ANKS1B: variants seen among roughly 807,000 people sequenced by gnomAD.
The protein encoded by ANKS1B is ankyrin repeat and sterile alpha motif domain containing 1B, also known as ankyrin repeat and sterile alpha motif domain-containing protein 1B.
In ANKS1B, 36 loss-of-function variants were observed where a neutral mutation model predicts 148.3. The ratio of observed to expected loss-of-function variants is 0.24; its 90% CI spans 0.19 to 0.32. The LOEUF (loss-of-function observed/expected upper bound fraction) is 0.32. Among genes scored for constraint, ANKS1B ranks in the 10% least tolerant of loss-of-function variants. ANKS1B has a pLI of 1.00. For synonymous variants in ANKS1B, 542 were observed against 560.8 expected (o/e 0.97, Z 0.47); for missense variants, 1,157 against 1,542.6 (o/e 0.75, Z 4.19).
At chr12:99,923,565 T>C (rs1447911220) in intron 1 of ANKS1B, among the ~76,000 whole-genome samples, 1 of 152,036 alleles carries the variant, frequency 6.6e-6, no homozygotes, top group African/African-American at 2.4e-5. Context: ...GTAAAAGGGA[T>C]AAGGAAATAG....
chr12:99,087,932 C>CT (rs34798297), intron 15 of ANKS1B, among the ~76,000 whole-genome samples: 99,983 of 152,008 alleles, frequency 0.66, 33,143 homozygotes, highest in East Asian at 0.89. Context: ...TTTTCTGTAT[C>CT]TCAGTAAGAG....
At chr12:99,886,321 G>A (rs2092819141) in intron 1 of ANKS1B, among the ~76,000 whole-genome samples, 1 of 152,286 alleles carries the variant, frequency 6.6e-6, no homozygotes, top group African/African-American at 2.4e-5. Flanking sequence ...GGTAAGCTCT[G>A]TGAGGGAAGA....
intron 12 of ANKS1B, among the ~76,000 whole-genome samples, chr12:99,306,846 C>G (rs1362523902): frequency 6.6e-6 from 1 of 151,936 alleles, no homozygotes; most frequent in East Asian, 1.9e-4. Flanking sequence ...TTTTTAACCT[C>G]AAGGAAGGAT....
chr12:98,955,310 G>C (rs1380168995), intron 17 of ANKS1B, among the ~76,000 whole-genome samples: 2 of 152,150 alleles, frequency 1.3e-5, no homozygotes, highest in Non-Finnish European at 2.9e-5. Context: ...TCTGAGGGAA[G>C]ACCTTCCCAG....
chr12:99,357,145 T>C (rs929144357), intron 12 of ANKS1B, among the ~76,000 whole-genome samples: 8 of 152,120 alleles, frequency 5.3e-5, no homozygotes, highest in Admixed American at 5.2e-4. Context: ...TTTTTAATAA[T>C]AAAATTGGGT....
intron 1 of ANKS1B, among the ~76,000 whole-genome samples, chr12:99,829,452 C>T (rs2083644393): frequency 6.6e-6 from 1 of 152,126 alleles, no homozygotes; most frequent in Middle Eastern, 3.2e-3. Flanking sequence ...AGATCGAGAC[C>T]ATCCTGGCTA....
chr12:99,656,804 AAAGGTCCTC>A (rs1490114580), intron 8 of ANKS1B, among the ~76,000 whole-genome samples: 1 of 152,178 alleles, frequency 6.6e-6, no homozygotes, highest in Admixed American at 6.6e-5. Context: ...TAAATTGTCT[AAAGGTCCTC>A]TGAATGTAGC....
intron 12 of ANKS1B, among the ~76,000 whole-genome samples, chr12:99,357,574 T>C (rs981281859): frequency 6.6e-5 from 10 of 152,270 alleles, no homozygotes; most frequent in African/African-American, 2.2e-4. Flanking sequence ...ATAAGCTATT[T>C]AAGTATTAGT....
chr12:99,755,026 C>T (rs780272014), intron 8 of ANKS1B, among the ~76,000 whole-genome samples: 9 of 150,110 alleles, frequency 6.0e-5, no homozygotes, highest in East Asian at 2.0e-4. Context: ...GATTGAGACA[C>T]GACAAAAAAA....
chr12:99,692,552 T>TC (rs2053255057), intron 8 of ANKS1B, among the ~76,000 whole-genome samples: 1 of 151,256 alleles, frequency 6.6e-6, no homozygotes, highest in Non-Finnish European at 1.5e-5. Context: ...ATGCCTGTGG[T>TC]CCCAGCTACT....
At position 99,186,744 on chromosome 12, in the gene ANKS1B, T is replaced by C. The variant is rs536188357; in HGVS notation, c.2420-32349A>G. 3.0e-4 allele frequency among the ~76,000 whole-genome samples: 46 copies of C among 152,040 alleles called. 1 individual carries two copies. ...CAAAACCCTATCAGAAGTCCAAAGG[T>C]AGATAAATCCATGAAGATGGGGAGA... On this transcript the variant is annotated intron_variant, in intron 14 of 26. Coordinates refer to ENST00000683438, the MANE Select transcript of ANKS1B (RefSeq NM_001352186.2).
intron 4 of ANKS1B, among the ~76,000 whole-genome samples, chr12:99,792,623 G>A (rs926415571): frequency 6.6e-6 from 1 of 151,736 alleles, no homozygotes; most frequent in African/African-American, 2.4e-5. Flanking sequence ...TTATCATTTT[G>A]ACTAATGCTG....
At chr12:99,665,036 T>TCAGCCCATAATATG (rs2098498965) in intron 8 of ANKS1B, among the ~76,000 whole-genome samples, 2 of 152,202 alleles carry the variant, frequency 1.3e-5, no homozygotes, top group Admixed American at 1.3e-4. Context: ...TATGGGCATT[T>TCAGCCCATAATATG]GGTTGTTTTC....
intron 19 of ANKS1B, among the ~76,000 whole-genome samples, chr12:98,824,787 C>T (rs1566909725): frequency 1.3e-5 from 2 of 152,136 alleles, no homozygotes; most frequent in South Asian, 4.1e-4. Context: ...AGACAGGCAG[C>T]GTTCTGACAC....
rs1416249697 is a variant in ANKS1B at position 99,655,142 on chromosome 12, A to G, written c.1197T>C (p.Cys399=). The change falls in exon 9 of 27, where the codon TGT becomes TGC. Residue 399 remains cysteine, a synonymous_variant. Coordinates refer to ENST00000683438, the MANE Select transcript of ANKS1B (RefSeq NM_001352186.2). ...VEEEDDDENT[C]GPSGLWEALT... is the part of the protein sequence containing the mutation. ...ATGCTTCCCAAAGTCCTGATGGCCCACACGTATTTTCATCATCATCCTCTT... is the reference window on the plus strand; with the variant it reads ...ATGCTTCCCAAAGTCCTGATGGCCCGCACGTATTTTCATCATCATCCTCTT... The G allele has an allele frequency of 8.1e-6, 13 of 1,612,836 alleles. No homozygotes were observed. The highest frequency in any genetic ancestry group is 1.0e-5 in the Non-Finnish European group (12 of 1,179,276).
intron 14 of ANKS1B, among the ~76,000 whole-genome samples, chr12:99,233,363 A>G (rs1254435823): frequency 6.6e-6 from 1 of 152,104 alleles, no homozygotes; most frequent in Non-Finnish European, 1.5e-5. Flanking sequence ...GAGGTCAGAA[A>G]TTGCAAAACT....
chr12:99,848,638 T>C (rs2087133408), intron 1 of ANKS1B, among the ~76,000 whole-genome samples: 1 of 152,142 alleles, frequency 6.6e-6, no homozygotes, highest in Non-Finnish European at 1.5e-5. Context: ...GCTGAGTCAA[T>C]TTCATATCTA....
At position 98,766,300 on chromosome 12, in the gene ANKS1B, A is replaced by C. The variant is rs868361274; in HGVS notation, c.3579+6742T>G. On this transcript the variant is annotated intron_variant, in intron 25 of 26. Transcript: ENST00000683438. ...TTGGGAGGTGGTGGTGTTAGTGTAG[A>C]AGGACCATTGGAATGCGATGCTGTC... 4.0e-5 allele frequency among the ~76,000 whole-genome samples: 6 copies of C among 148,322 alleles called. No homozygotes were observed. The South Asian group carries it at 8.3e-4, about 21-fold the overall frequency.
chr12:99,380,689 A>T (rs963409042), intron 12 of ANKS1B, among the ~76,000 whole-genome samples: 1 of 150,598 alleles, frequency 6.6e-6, no homozygotes, highest in African/African-American at 2.5e-5. Flanking sequence ...ATTTAGCCAC[A>T]CCTAAACTTA....
Sources: allele counts gnomAD v4.1 joint callset (sites outside exome capture counted in the v4.1 genomes callset), GRCh38; gene constraint gnomAD v4.1.1; transcripts MANE v1.5; gene names NCBI Gene and HGNC (gene_info 2026-07-23, HGNC 2026-07-21).